SLC9A9: variants seen among roughly 807,000 people sequenced by gnomAD.
The protein encoded by SLC9A9 is solute carrier family 9 member A9.
In SLC9A9, 62 loss-of-function variants were observed where a neutral mutation model predicts 77.8. The ratio of observed to expected loss-of-function variants is 0.80; its 90% confidence interval spans 0.65 to 0.98. The LOEUF is 0.98. Ranked by LOEUF, SLC9A9 falls within the 50% of genes least tolerant of loss-of-function variation. The pLI is 0.00. For missense variants in SLC9A9, 775 were observed against 774.9 expected (o/e 1.00, Z 0.00); for synonymous variants, 320 against 283.5 (o/e 1.13, Z -1.29).
chr3:143,719,703 A>G (rs1382940345), intron 4 of SLC9A9, among the ~76,000 whole-genome samples: 1 of 152,234 alleles, frequency 6.6e-6, no homozygotes. Flanking sequence ...TAATAAATGA[A>G]AAAGAAGCCA....
chr3:143,328,252 A>G (rs2031660501), intron 14 of SLC9A9, among the ~76,000 whole-genome samples: 1 of 152,240 alleles, frequency 6.6e-6, no homozygotes, highest in African/African-American at 2.4e-5. Flanking sequence ...TGTGTGGGAC[A>G]TATGGAGTAT....
intron 6 of SLC9A9, among the ~76,000 whole-genome samples, chr3:143,614,264 T>G (rs1222366684): frequency 6.6e-6 from 1 of 152,220 alleles, no homozygotes; most frequent in Non-Finnish European, 1.5e-5. Context: ...ACACAGGTTG[T>G]GTACTCATTT....
intron 10 of SLC9A9, among the ~76,000 whole-genome samples, chr3:143,494,224 T>C (rs1324923615): frequency 6.6e-6 from 1 of 152,244 alleles, no homozygotes; most frequent in African/African-American, 2.4e-5. Context: ...TGCATACCTT[T>C]TTCTTTGGTG....
At chr3:143,471,069 C>T (rs2035370442) in intron 11 of SLC9A9, among the ~76,000 whole-genome samples, 1 of 152,162 alleles carries the variant, frequency 6.6e-6, no homozygotes, top group African/African-American at 2.4e-5. Flanking sequence ...AAGAGGATGC[C>T]TTCTCAATGT....
chr3:143,795,205 G>A (rs930702690), intron 3 of SLC9A9, 128 bp from the exon 4 acceptor site: 29 of 607,744 alleles, frequency 4.8e-5, no homozygotes, highest in Non-Finnish European at 7.1e-5. Context: ...TTGGAGCCTC[G>A]TTCCTGGCCT....
chr3:143,351,756 T>C (rs1440756487), intron 14 of SLC9A9, among the ~76,000 whole-genome samples: 3 of 152,236 alleles, frequency 2.0e-5, no homozygotes, highest in African/African-American at 7.2e-5. Flanking sequence ...TCTTTGTTTA[T>C]ATCTGCAAAA....
At chr3:143,708,133 G>A (rs1934040242) in intron 4 of SLC9A9, among the ~76,000 whole-genome samples, 1 of 151,762 alleles carries the variant, frequency 6.6e-6, no homozygotes, top group South Asian at 2.1e-4. Context: ...GACATGCAGT[G>A]GGAGGTAGAG....
intron 9 of SLC9A9, among the ~76,000 whole-genome samples, chr3:143,536,953 C>T (rs1369139292): frequency 6.6e-6 from 1 of 152,070 alleles, no homozygotes; most frequent in African/African-American, 2.4e-5. Flanking sequence ...CGCTGCACCT[C>T]CTGCCAATTG....
intron 6 of SLC9A9, among the ~76,000 whole-genome samples, chr3:143,625,055 A>G (rs533625289): frequency 3.3e-5 from 5 of 152,330 alleles, no homozygotes; most frequent in Admixed American, 3.3e-4. Context: ...TCCAACTTAC[A>G]AGGGATGTGA....
At chr3:143,430,916 A>G (rs1391386958) in intron 12 of SLC9A9, among the ~76,000 whole-genome samples, 2 of 152,158 alleles carry the variant, frequency 1.3e-5, no homozygotes, top group African/African-American at 2.4e-5. Flanking sequence ...CCTTCCCACA[A>G]CATGGATACA....
chr3:143,830,333 A>C (rs1331028458), intron 2 of SLC9A9, among the ~76,000 whole-genome samples: 1 of 152,212 alleles, frequency 6.6e-6, no homozygotes, highest in Non-Finnish European at 1.5e-5. Context: ...CTCAAGGTCA[A>C]GTAAACATTT....
At chr3:143,829,618 T>C (rs891408589) in intron 2 of SLC9A9, among the ~76,000 whole-genome samples, 1 of 152,228 alleles carries the variant, frequency 6.6e-6, no homozygotes, top group Admixed American at 6.5e-5. Context: ...TACGTTGGTC[T>C]TATCTCCCCA....
At chr3:143,670,198 G>T (rs764132178) in intron 5 of SLC9A9, among the ~76,000 whole-genome samples, 10 of 152,172 alleles carry the variant, frequency 6.6e-5, no homozygotes, top group Non-Finnish European at 1.3e-4. Flanking sequence ...TGTTGAGCAA[G>T]ATTGTCTTTA....
chr3:143,273,507 C>T (rs77409788), intron 14 of SLC9A9, among the ~76,000 whole-genome samples: 108 of 152,328 alleles, frequency 7.1e-4, no homozygotes, highest in African/African-American at 2.4e-3. Flanking sequence ...GCCAGGAAGA[C>T]AGCCCTCACC....
In SLC9A9 at chr3:143,433,898, T is replaced by C. The variant is rs138672574; in HGVS notation, c.1469+33139A>G. Among the ~76,000 whole-genome samples, 183 of 152,348 alleles carry C rather than the reference T, an allele frequency of 1.2e-3. 1 individual carries two copies. The highest frequency in any genetic ancestry group is 4.1e-3 in the African/African-American group (172 of 41,586). ...AAGTATAGATAACCTATATCTTCTATACCTTTGCATGCCAGGTTTTTATGA... is the reference window on the plus strand; with the variant it reads ...AAGTATAGATAACCTATATCTTCTACACCTTTGCATGCCAGGTTTTTATGA... On this transcript the variant is annotated intron_variant, in intron 12 of 15. Coordinates refer to ENST00000316549, the MANE Select transcript of SLC9A9 (RefSeq NM_173653.4).
rs2009876628 is a variant in SLC9A9, at chr3:143,848,415, CA to C, written c.-94del. On this transcript the variant is annotated 5_prime_UTR_variant, in exon 1 of 16. Transcript: ENST00000316549. Reference sequence around the variant, plus strand: ...AGACAGTCTGACTGCCTGAGAATTTCAGAAGAAACACTGCCACTTTAGTTGC... The same window carrying C: ...AGACAGTCTGACTGCCTGAGAATTTCGAAGAAACACTGCCACTTTAGTTGC... 6.5e-7 allele frequency: 1 copy of C among 1,534,822 alleles called. No individual in the cohort carries two copies. The highest frequency in any genetic ancestry group is 1.4e-5 in the African/African-American group (1 of 73,208).
At chr3:143,638,566 C>T (rs544842190) in intron 6 of SLC9A9, among the ~76,000 whole-genome samples, 31 of 152,282 alleles carry the variant, frequency 2.0e-4, no homozygotes, top group Middle Eastern at 3.4e-3. Flanking sequence ...ATTCTGGCAA[C>T]GGGAAAAGTG....
chr3:143,412,539 C>T (rs938999527), intron 12 of SLC9A9, among the ~76,000 whole-genome samples: 2 of 152,210 alleles, frequency 1.3e-5, no homozygotes, highest in Admixed American at 6.5e-5. Flanking sequence ...CAGATCCACA[C>T]TGCAAATCCC....
chr3:143,561,927 C>T (rs1187103540), intron 8 of SLC9A9, among the ~76,000 whole-genome samples: 1 of 152,154 alleles, frequency 6.6e-6, no homozygotes, highest in Non-Finnish European at 1.5e-5. Flanking sequence ...TGTTGTCTTC[C>T]CTTCACCTTT....
Sources: allele counts gnomAD v4.1 joint callset (sites outside exome capture counted in the v4.1 genomes callset), GRCh38; gene constraint gnomAD v4.1.1; transcripts MANE v1.5; gene names NCBI Gene and HGNC (gene_info 2026-07-23, HGNC 2026-07-21).